The following DCAF1 variants were observed in gnomAD, a reference collection of about 807,000 sequenced individuals.
DCAF1 encodes DDB1 and CUL4 associated factor 1, also known as DDB1- and CUL4-associated factor 1.
DCAF1 carries 15 observed loss-of-function variants against 128.0 expected under a neutral mutation model. The observed-to-expected ratio is 0.12, with a 90% CI of 0.08 to 0.18. DCAF1 has a LOEUF of 0.18. Among genes scored for constraint, DCAF1 ranks in the 10% least tolerant of loss-of-function variants. DCAF1 has a pLI of 1.00. For synonymous variants in DCAF1, 610 were observed against 603.0 expected (o/e 1.01, Z -0.17); for missense variants, 988 against 1,649.5 (o/e 0.60, Z 6.95).
At chr3:51,449,502 C>T (rs1333150328) in intron 6 of DCAF1, among the ~76,000 whole-genome samples, 10 of 152,124 alleles carry the variant, frequency 6.6e-5, no homozygotes, top group Admixed American at 2.0e-4. Context: ...CCACTGTGCC[C>T]GGCCAGAATG....
chr3:51,397,712 C>T (rs2089300854), downstream of DCAF1: 1 of 167,104 alleles, frequency 6.0e-6, no homozygotes, highest in South Asian at 2.1e-4. Context: ...ACTTTCCTCC[C>T]TGGAGTGCTC....
At chr3:51,461,145 T>A (rs1288049906) in intron 6 of DCAF1, among the ~76,000 whole-genome samples, 1 of 150,804 alleles carries the variant, frequency 6.6e-6, no homozygotes, top group Non-Finnish European at 1.5e-5. Flanking sequence ...TGGGAGAAAA[T>A]TTTTGCAACC....
At chr3:51,396,177 C>T, downstream of DCAF1, 1 of 377,512 alleles carries the variant, frequency 2.6e-6, no homozygotes, top group Non-Finnish European at 4.9e-6. Context: ...CCGGAAGAAT[C>T]ATCTACCTCC....
chr3:51,402,804 C>T (rs2089822423), intron 24 of DCAF1, among the ~76,000 whole-genome samples: 1 of 152,060 alleles, frequency 6.6e-6, no homozygotes, highest in Non-Finnish European at 1.5e-5. Flanking sequence ...GAACTCCTGA[C>T]CTCAGGTGAT....
rs534400464 is a variant in DCAF1, at chr3:51,471,855, G to A, written c.111-850C>T. Among the ~76,000 whole-genome samples, 4 of 151,902 alleles carry A rather than the reference G, an allele frequency of 2.6e-5. No homozygotes were observed. The East Asian group carries it at 7.8e-4, about 30-fold the overall frequency. ...CTGCACTCCAGCCCGGGCAACAAGA[G>A]TGAAACTCTGTCTCAAAAAAAAAAA... is the stretch of plus-strand genomic sequence containing the variant. On this transcript the variant is annotated intron_variant, in intron 3 of 24. Transcript: ENST00000684031.
chr3:51,456,924 G>A (rs1478486835), intron 6 of DCAF1, among the ~76,000 whole-genome samples: 3 of 152,180 alleles, frequency 2.0e-5, no homozygotes, highest in South Asian at 2.1e-4. Flanking sequence ...CGTCACCATC[G>A]TCAAAAACGA....
At chr3:51,445,577 C>CTA (rs1701774310) in intron 6 of DCAF1, among the ~76,000 whole-genome samples, 1 of 152,146 alleles carries the variant, frequency 6.6e-6, no homozygotes, top group African/African-American at 2.4e-5. Context: ...GACAGTGTAC[C>CTA]TATAGATGCT....
chr3:51,486,187 C>T (rs1553655384), intron 2 of DCAF1, among the ~76,000 whole-genome samples: 1 of 146,828 alleles, frequency 6.8e-6, no homozygotes, highest in African/African-American at 2.5e-5. Flanking sequence ...CCACACCCGG[C>T]AGATTCTTTT....
chr3:51,412,236 G>C, intron 23 of DCAF1, 143 bp downstream of exon 23: 1 of 1,071,424 alleles, frequency 9.3e-7, no homozygotes, highest in Non-Finnish European at 1.3e-6. Context: ...GAGTTTCAGT[G>C]ATCAAGGGTA....
At chr3:51,461,246 G>T (rs1313044634) in intron 6 of DCAF1, among the ~76,000 whole-genome samples, 6 of 152,062 alleles carry the variant, frequency 3.9e-5, no homozygotes, top group African/African-American at 1.2e-4. Context: ...CAAAAAGTGG[G>T]CGAAGGATAT....
At chr3:51,434,316 C>T (rs1223708730) in intron 9 of DCAF1, among the ~76,000 whole-genome samples, 3 of 151,662 alleles carry the variant, frequency 2.0e-5, no homozygotes, top group South Asian at 4.2e-4. Context: ...GTAAGAGGAT[C>T]GCTTGAGCCG....
At chr3:51,458,156 A>C (rs1553643416) in intron 6 of DCAF1, among the ~76,000 whole-genome samples, 1 of 152,210 alleles carries the variant, frequency 6.6e-6, no homozygotes, top group African/African-American at 2.4e-5. Context: ...AGTGTGCTGT[A>C]TTCAGGAAAC....
At chr3:51,477,737 T>C (rs1272610148) in intron 3 of DCAF1, among the ~76,000 whole-genome samples, 1 of 152,168 alleles carries the variant, frequency 6.6e-6, no homozygotes, top group Non-Finnish European at 1.5e-5. Flanking sequence ...CTTTCAGAGA[T>C]ACTGAGTGAC....
At position 51,487,904 on chromosome 3, in the gene DCAF1, G is replaced by A. The variant is rs561074469; in HGVS notation, c.-8-4068C>T. Among the ~76,000 whole-genome samples, 15 of 151,750 alleles carry A rather than the reference G, an allele frequency of 9.9e-5. No homozygotes were observed. The East Asian group carries it at 2.7e-3, about 28-fold the overall frequency. On this transcript the variant is annotated intron_variant, in intron 2 of 24. Transcript: ENST00000684031. ...TTTGGAGACGGAGTCTTGCTCTGTC[G>A]CCCAGACTGGAGTGCAGAGGCGTGA...
intron 3 of DCAF1, 77 bp downstream of exon 3, chr3:51,483,642 T>C: frequency 1.1e-6 from 1 of 917,660 alleles, no homozygotes. Context: ...TGTGTGTGTG[T>C]GTGTATGAAG....
rs1378115291 is a variant in DCAF1, at chr3:51,398,050, C to G, written c.*719G>C. The G allele has an allele frequency of 6.4e-6, 1 of 156,760 alleles. No individual in the cohort carries two copies. The highest frequency in any genetic ancestry group is 1.5e-5 in the Non-Finnish European group (1 of 68,060). 9.7% of individuals were successfully genotyped at this position (156,760 alleles called of 1,614,324 possible). The stretch of plus-strand genomic sequence containing the variant: ...CCACAAAACCAATATCCACAATGAC[C>G]ATGCTGCCCCCAAACCATGAAGGTG... On this transcript the variant is annotated 3_prime_UTR_variant, in exon 25 of 25. Transcript: ENST00000684031.
At chr3:51,504,711 C>T (rs1472156593), upstream of DCAF1, among the ~76,000 whole-genome samples, 1 of 152,182 alleles carries the variant, frequency 6.6e-6, no homozygotes, top group Non-Finnish European at 1.5e-5. Context: ...CTACAGGATT[C>T]AGGGATCTCT....
chr3:51,472,595 A>G (rs1553648786), intron 3 of DCAF1, among the ~76,000 whole-genome samples: 2 of 151,852 alleles, frequency 1.3e-5, no homozygotes, highest in African/African-American at 4.8e-5. Context: ...ATCTTTTTAC[A>G]TCTAACTTTC....
chr3:51,432,911 T>G (rs971583357), intron 10 of DCAF1, among the ~76,000 whole-genome samples, 195 bp downstream of exon 10: 1 of 152,134 alleles, frequency 6.6e-6, no homozygotes, highest in African/African-American at 2.4e-5. Flanking sequence ...CAGAAAAAAA[T>G]AGAACCATTT....
Sources: gnomAD v4.1 joint callset for allele counts (sites outside exome capture counted in the v4.1 genomes callset) on GRCh38, gnomAD v4.1.1 for gene constraint, MANE v1.5 for transcripts, NCBI Gene and HGNC (gene_info 2026-07-23, HGNC 2026-07-21) for gene names.